Variants in SLC26A3 observed in about 807,000 individuals in gnomAD.
SLC26A3 encodes the protein solute carrier family 26 member 3.
A neutral mutation model predicts 85.6 loss-of-function variants in SLC26A3; 64 were observed. The ratio of observed to expected loss-of-function variants is 0.75; its 90% CI spans 0.61 to 0.92. The LOEUF (loss-of-function observed/expected upper bound fraction) is 0.92, where lower values mean the gene tolerates loss of function less well. Ranked by LOEUF, SLC26A3 falls within the 40% of genes least tolerant of loss-of-function variation. The pLI is 0.00. For synonymous variants in SLC26A3, 349 were observed against 336.0 expected, an observed-to-expected ratio of 1.04 and a Z score of -0.42; for missense variants, 922 against 927.3, an observed-to-expected ratio of 0.99 and a Z score of 0.07.
intron 8 of SLC26A3, among the ~76,000 whole-genome samples, chr7:107,785,097 C>T (rs1336339813): frequency 6.6e-6 from 1 of 152,134 alleles, no homozygotes; most frequent in Non-Finnish European, 1.5e-5. Flanking sequence ...GTGCTTGCTA[C>T]CTAATTTAGG....
intron 1 of SLC26A3, among the ~76,000 whole-genome samples, chr7:107,800,417 G>A (rs1462834741): frequency 2.0e-5 from 3 of 152,200 alleles, no homozygotes; most frequent in Non-Finnish European, 2.9e-5. Context: ...CCTATTATTT[G>A]TCAGGAACTC....
rs1369454067 is a variant in SLC26A3 at position 107,774,066 on chromosome 7, T to G, written c.1861A>C (p.Asn621His). 6.2e-7 allele frequency: 1 copy of G among 1,614,194 alleles called. No homozygotes were observed. The highest frequency in any genetic ancestry group is 1.1e-5 in the South Asian group (1 of 91,082). The change falls in exon 17 of 21, where the codon AAT becomes CAT. Residue 621 changes from asparagine (N) to histidine (H), a missense_variant. Transcript: ENST00000340010. ...ATGTGGAAAGGCAGGTCTGTGGTAT[T>G]GATTGGCTGGTCCAGTACTTCTATC... ...NQIEVLDQPINTTDLPFHIDW... is the reference protein window; with the variant it reads ...NQIEVLDQPIHTTDLPFHIDW...
At chr7:107,790,844 T>G (rs1451238137) in intron 5 of SLC26A3, among the ~76,000 whole-genome samples, 2 of 152,158 alleles carry the variant, frequency 1.3e-5, no homozygotes, top group African/African-American at 4.8e-5. Flanking sequence ...AGACCCACAT[T>G]CATTCGTTTT....
Position 107,779,765 on chromosome 7 carries a change from T to C in SLC26A3, c.1312-2A>G, listed in dbSNP as rs1475513780. 1 of 1,612,332 alleles carries C rather than the reference T, an allele frequency of 6.2e-7. No individual in the cohort carries two copies. The highest frequency in any genetic ancestry group is 8.5e-7 in the Non-Finnish European group (1 of 1,178,556). ...CAATGCTAAAGCTGCCAGGACGGACTGTGAAAAACACAAACATCAGATGTA... is the reference window on the plus strand; with the variant it reads ...CAATGCTAAAGCTGCCAGGACGGACCGTGAAAAACACAAACATCAGATGTA... On this transcript the variant is annotated splice_acceptor_variant, in intron 11 of 20. Coordinates refer to ENST00000340010, the MANE Select transcript of SLC26A3 (RefSeq NM_000111.3). LOFTEE classifies it high-confidence loss of function.
chr7:107,782,627 G>T (rs1026590128), intron 11 of SLC26A3, among the ~76,000 whole-genome samples, 170 bp downstream of exon 11: 1 of 152,168 alleles, frequency 6.6e-6, no homozygotes, highest in South Asian at 2.1e-4. Context: ...AGAACATGTT[G>T]CCAGGGAAAA....
intron 17 of SLC26A3, among the ~76,000 whole-genome samples, chr7:107,773,555 T>C (rs530721879): frequency 6.6e-6 from 1 of 152,034 alleles, no homozygotes; most frequent in Non-Finnish European, 1.5e-5. Context: ...ACAAATACAG[T>C]TTTTTTTGTT....
intron 15 of SLC26A3, among the ~76,000 whole-genome samples, chr7:107,775,818 C>A (rs1216441971): frequency 6.6e-6 from 1 of 152,138 alleles, no homozygotes; most frequent in African/African-American, 2.4e-5. Context: ...AATATAATCT[C>A]ATTTTGCAAA....
At chr7:107,792,851 G>A (rs1284282484) in intron 3 of SLC26A3, among the ~76,000 whole-genome samples, 1 of 152,180 alleles carries the variant, frequency 6.6e-6, no homozygotes, top group Non-Finnish European at 1.5e-5. Context: ...TCTGACAAGG[G>A]TCTGGTATCC....
intron 18 of SLC26A3, 83 bp from the exon 19 acceptor site, chr7:107,767,991 C>A (rs145875309): frequency 7.6e-7 from 1 of 1,309,160 alleles, no homozygotes; most frequent in Admixed American, 1.8e-5. Context: ...ATTTCACCTT[C>A]CATTTGCAAA....
chr7:107,781,749 G>C, intron 11 of SLC26A3, among the ~76,000 whole-genome samples: 1 of 152,064 alleles, frequency 6.6e-6, no homozygotes, highest in Non-Finnish European at 1.5e-5. Context: ...TGGGAGTCCA[G>C]CAACCTGGGA....
intron 8 of SLC26A3, among the ~76,000 whole-genome samples, chr7:107,785,457 A>G (rs1225494146): frequency 1.3e-5 from 2 of 152,144 alleles, no homozygotes; most frequent in Non-Finnish European, 2.9e-5. Context: ...ACTAAATAAG[A>G]CTGTTGTTGA....
Position 107,767,432 on chromosome 7 carries a change from A to G in SLC26A3, c.2271+147T>C. 9 of 682,844 alleles carry G rather than the reference A, an allele frequency of 1.3e-5. No individual in the cohort carries two copies. In the South Asian group the frequency reaches 1.5e-4, roughly 11 times the overall value. The allele number at this position is 682,844 out of a possible 1,614,324, so 42.3% of individuals were successfully genotyped here. ...CTGAAAACTCCCTGTGAGATTGGTT[A>G]GCATTGCTTCAGTTTTCTAGGGATG... On this transcript the variant is annotated intron_variant, in intron 20 of 20. Coordinates refer to ENST00000340010, the MANE Select transcript of SLC26A3 (RefSeq NM_000111.3).
intron 17 of SLC26A3, among the ~76,000 whole-genome samples, chr7:107,773,540 C>A (rs1794059536): frequency 6.6e-6 from 1 of 152,172 alleles, no homozygotes; most frequent in African/African-American, 2.4e-5. Context: ...AAGGAGCATC[C>A]TTCCACAAAT....
At chr7:107,779,023 C>T (rs1244082690) in intron 12 of SLC26A3, among the ~76,000 whole-genome samples, 1 of 151,996 alleles carries the variant, frequency 6.6e-6, no homozygotes, top group Non-Finnish European at 1.5e-5. Context: ...ACTGGTAGAG[C>T]TTATACTAAT....
chr7:107,798,449 G>C (rs966811524), intron 1 of SLC26A3, among the ~76,000 whole-genome samples: 3 of 152,128 alleles, frequency 2.0e-5, no homozygotes, highest in African/African-American at 7.2e-5. Context: ...GCCCCGCTCT[G>C]CTGAGAAGTG....
rs372945665 is a variant in SLC26A3, at chr7:107,793,712, T to C, written c.271+30A>G. ...CACATTCAGAGGAAGAATTTTATTG[T>C]ATATAAATTATACTTAAAAAAAATT... On this transcript the variant is annotated intron_variant, in intron 3 of 20. Transcript: ENST00000340010. 573 of 1,519,434 alleles carry C rather than the reference T, an allele frequency of 3.8e-4. 3 individuals carry two copies. Among genetic ancestry groups the C allele is most frequent in the Non-Finnish European group, 7.0e-5 (78 of 1,112,298 alleles). The allele number at this position is 1,519,434 out of a possible 1,614,324, so 94.1% of individuals were successfully genotyped here.
chr7:107,783,717 A>G (rs766625077), intron 8 of SLC26A3, among the ~76,000 whole-genome samples: 8 of 152,240 alleles, frequency 5.3e-5, no homozygotes, highest in African/African-American at 1.2e-4. Context: ...AATGCTCCCA[A>G]TAGTTATCCA....
At chr7:107,770,129 T>C (rs1463011729) in intron 18 of SLC26A3, among the ~76,000 whole-genome samples, 1 of 139,942 alleles carries the variant, frequency 7.1e-6, no homozygotes, top group Non-Finnish European at 1.6e-5. Context: ...TTTCTCTTTC[T>C]TTCTTTCTCT....
At chr7:107,769,738 A>T (rs940424083) in intron 18 of SLC26A3, among the ~76,000 whole-genome samples, 8 of 152,200 alleles carry the variant, frequency 5.3e-5, no homozygotes, top group African/African-American at 1.7e-4. Context: ...AGTTTTTTTT[A>T]AAAGTCTTGA....
Sources: allele counts gnomAD v4.1 joint callset (sites outside exome capture counted in the v4.1 genomes callset), GRCh38; gene constraint gnomAD v4.1.1; transcripts MANE v1.5; gene names NCBI Gene and HGNC (gene_info 2026-07-23, HGNC 2026-07-21).